Variants in KIF21A observed in about 807,000 individuals in gnomAD.
KIF21A encodes kinesin family member 21A.
A neutral mutation model predicts 202.9 loss-of-function variants in KIF21A; 114 were observed. The ratio of observed to expected loss-of-function variants is 0.56; its 90% CI spans 0.48 to 0.66. The LOEUF is 0.66. Among genes scored for constraint, KIF21A ranks in the 30% least tolerant of loss-of-function variants. The pLI is 0.00. For synonymous variants in KIF21A, 667 were observed against 670.8 expected, an observed-to-expected ratio of 0.99 and a Z score of 0.09; for missense variants, 1,677 against 1,994.9, an observed-to-expected ratio of 0.84 and a Z score of 3.04.
At chr12:39,440,694 G>A (rs1345451883) in intron 1 of KIF21A, among the ~76,000 whole-genome samples, 1 of 152,152 alleles carries the variant, frequency 6.6e-6, no homozygotes, top group African/African-American at 2.4e-5. Flanking sequence ...AAGTTTACAA[G>A]GTAGCTCTGT....
At chr12:39,363,953 G>A (rs1949427694) in intron 6 of KIF21A, among the ~76,000 whole-genome samples, 1 of 152,232 alleles carries the variant, frequency 6.6e-6, no homozygotes. Flanking sequence ...GGGAGGTGGA[G>A]GTTGCAGTGA....
intron 10 of KIF21A, among the ~76,000 whole-genome samples, chr12:39,354,438 T>C (rs192343344): frequency 6.6e-6 from 1 of 152,266 alleles, no homozygotes; most frequent in African/African-American, 2.4e-5. Context: ...ATAATGGGAA[T>C]ACACATGATT....
chr12:39,309,305 C>T (rs1485429128), intron 33 of KIF21A, among the ~76,000 whole-genome samples: 1 of 151,918 alleles, frequency 6.6e-6, no homozygotes, highest in East Asian at 1.9e-4. Flanking sequence ...AAATGTAATA[C>T]CTTATATTTG....
At chr12:39,343,951 T>C (rs977685999) in intron 12 of KIF21A, among the ~76,000 whole-genome samples, 7 of 152,096 alleles carry the variant, frequency 4.6e-5, no homozygotes, top group Non-Finnish European at 8.8e-5. Flanking sequence ...AATGGTACAG[T>C]TTCAAAGATG....
chr12:39,398,787 T>A (rs1175813888), intron 1 of KIF21A, among the ~76,000 whole-genome samples: 1 of 152,128 alleles, frequency 6.6e-6, no homozygotes, highest in Non-Finnish European at 1.5e-5. Context: ...ATTCATAAGA[T>A]GCATTGAGTA....
intron 33 of KIF21A, 104 bp downstream of exon 33, chr12:39,309,482 A>C: frequency 2.4e-6 from 2 of 843,230 alleles, no homozygotes; most frequent in East Asian, 5.3e-5. Context: ...CAGGTATACA[A>C]AAATTAAAAT....
intron 32 of KIF21A, among the ~76,000 whole-genome samples, 160 bp downstream of exon 32, chr12:39,311,257 A>C (rs1008406371): frequency 6.6e-6 from 1 of 152,052 alleles, no homozygotes; most frequent in African/African-American, 2.4e-5. Context: ...TTGCTGCTCA[A>C]CTATGCAATA....
At chr12:39,425,960 T>C (rs1052180446) in intron 1 of KIF21A, among the ~76,000 whole-genome samples, 6 of 148,878 alleles carry the variant, frequency 4.0e-5, no homozygotes, top group Non-Finnish European at 7.4e-5. Context: ...AAAATGGAGC[T>C]GTCAAGGACA....
chr12:39,332,472 A>T, intron 20 of KIF21A, 64 bp from the exon 21 acceptor site: 2 of 1,338,184 alleles, frequency 1.5e-6, no homozygotes, highest in Non-Finnish European at 2.1e-6. Context: ...AGTACCATCA[A>T]ACCCCCCCAC....
At position 39,340,383 on chromosome 12, in the gene KIF21A, T is replaced by A. The variant is rs779025806; in HGVS notation, c.2111-19A>T. ...ACCGAGCCTAAATGACCAGAGGACA[T>A]TTTTATATGTTTTTTTGTGAGACAC... On this transcript the variant is annotated intron_variant, in intron 15 of 37. Coordinates refer to ENST00000361418, the MANE Select transcript of KIF21A (RefSeq NM_001173464.2). The A allele has an allele frequency of 6.4e-7, 1 of 1,551,818 alleles. No homozygotes were observed. The highest frequency in any genetic ancestry group is 1.8e-5 in the Admixed American group (1 of 56,316).
intron 1 of KIF21A, among the ~76,000 whole-genome samples, chr12:39,374,732 G>A (rs1950162243): frequency 6.6e-6 from 1 of 152,030 alleles, no homozygotes; most frequent in African/African-American, 2.4e-5. Flanking sequence ...TCTGTCACTG[G>A]AAACTCATTC....
intron 10 of KIF21A, among the ~76,000 whole-genome samples, chr12:39,355,389 G>C (rs752472698): frequency 2.0e-5 from 3 of 152,058 alleles, no homozygotes. Context: ...AAAGGAAAGA[G>C]AGCATAAGAA....
chr12:39,375,690 A>G (rs937355497), intron 1 of KIF21A, among the ~76,000 whole-genome samples: 3 of 152,088 alleles, frequency 2.0e-5, no homozygotes, highest in Non-Finnish European at 4.4e-5. Context: ...AAAAGTCCTT[A>G]GTCTCCAATC....
At chr12:39,306,621 T>C (rs1464960484) in intron 34 of KIF21A, among the ~76,000 whole-genome samples, 1 of 152,216 alleles carries the variant, frequency 6.6e-6, no homozygotes, top group African/African-American at 2.4e-5. Context: ...GGCAAATCCC[T>C]TCTGGATGAG....
chr12:39,386,746 T>C (rs1345449300), intron 1 of KIF21A, among the ~76,000 whole-genome samples: 2 of 152,186 alleles, frequency 1.3e-5, no homozygotes, highest in Non-Finnish European at 2.9e-5. Flanking sequence ...TCAGCTCTAC[T>C]GAGGAAAGTC....
chr12:39,397,951 C>T (rs955823925), intron 1 of KIF21A, among the ~76,000 whole-genome samples: 9 of 152,212 alleles, frequency 5.9e-5, no homozygotes, highest in African/African-American at 2.2e-4. Context: ...TTTGCCTCAA[C>T]CACAGCCAGC....
In KIF21A at chr12:39,332,412, T is replaced by C. The variant is rs759421726; in HGVS notation, c.2857-4A>G. 4.3e-6 allele frequency: 7 copies of C among 1,613,612 alleles called. No individual in the cohort carries two copies. The South Asian group carries it at 5.5e-5, about 13-fold the overall frequency. ...TTTTTGTGAGTTCCTCCCGTTGCTA[T>C]TGAGAAAGCAGGTTGGATTTTAAGA... is the stretch of plus-strand genomic sequence containing the variant. On this transcript the variant is annotated splice_polypyrimidine_tract_variant and splice_region_variant and intron_variant, in intron 20 of 37. Transcript: ENST00000361418.
At chr12:39,382,355 G>T (rs1235987653) in intron 1 of KIF21A, among the ~76,000 whole-genome samples, 1 of 152,120 alleles carries the variant, frequency 6.6e-6, no homozygotes, top group Non-Finnish European at 1.5e-5. Flanking sequence ...ATGATAAGAT[G>T]AAATAAGATG....
At chr12:39,432,366 C>T (rs929339925) in intron 1 of KIF21A, among the ~76,000 whole-genome samples, 1 of 152,138 alleles carries the variant, frequency 6.6e-6, no homozygotes, top group African/African-American at 2.4e-5. Context: ...CTCATCAATT[C>T]CAATAAACAC....
Sources: allele counts gnomAD v4.1 joint callset (sites outside exome capture counted in the v4.1 genomes callset), GRCh38; gene constraint gnomAD v4.1.1; transcripts MANE v1.5; gene names NCBI Gene and HGNC (gene_info 2026-07-23, HGNC 2026-07-21).